Variants in EPB41L3 observed in about 807,000 individuals in gnomAD.
The protein encoded by EPB41L3 is erythrocyte membrane protein band 4.1 like 3, also known as band 4.1-like protein 3.
A neutral mutation model predicts 127.1 loss-of-function variants in EPB41L3; 57 were observed. That is an observed-to-expected ratio of 0.45 (90% CI 0.36 to 0.56). EPB41L3 has a LOEUF of 0.56. Ranked by LOEUF, EPB41L3 falls within the 20% of genes least tolerant of loss-of-function variation. The pLI, the probability that EPB41L3 is intolerant of heterozygous loss-of-function variation, is 0.00. For missense variants in EPB41L3, 1,273 were observed against 1,372.2 expected, an observed-to-expected ratio of 0.93 and a Z score of 1.14; for synonymous variants, 572 against 549.5, an observed-to-expected ratio of 1.04 and a Z score of -0.57.
At chr18:5,476,915 C>A (rs2087349474) in intron 3 of EPB41L3, among the ~76,000 whole-genome samples, 1 of 152,154 alleles carries the variant, frequency 6.6e-6, no homozygotes, top group Non-Finnish European at 1.5e-5. Flanking sequence ...GGGATTCCTG[C>A]AGCAGCCCAT....
chr18:5,427,839 G>A (rs1453438289), intron 9 of EPB41L3, among the ~76,000 whole-genome samples: 1 of 151,902 alleles, frequency 6.6e-6, no homozygotes, highest in Non-Finnish European at 1.5e-5. Flanking sequence ...TCCGCCCCCT[G>A]GGTTCACGCC....
chr18:5,496,987 A>C (rs1209069788), intron 1 of EPB41L3, among the ~76,000 whole-genome samples: 1 of 152,184 alleles, frequency 6.6e-6, no homozygotes, highest in Non-Finnish European at 1.5e-5. Flanking sequence ...GCTGCTCTAG[A>C]CTGGATGGTT....
intron 13 of EPB41L3, among the ~76,000 whole-genome samples, chr18:5,413,298 T>C (rs530112916): frequency 7.9e-5 from 12 of 152,304 alleles, no homozygotes; most frequent in African/African-American, 2.4e-4. Flanking sequence ...TGTTTCTTGA[T>C]AGGATATTTT....
At chr18:5,625,978 A>G (rs1479020077) in intron 1 of EPB41L3, among the ~76,000 whole-genome samples, 1 of 149,332 alleles carries the variant, frequency 6.7e-6, no homozygotes, top group Middle Eastern at 3.2e-3. Context: ...TCTTTTCTCC[A>G]TTCTGATCTT....
chr18:5,594,154 G>A (rs1386742687), intron 3 of EPB41L3, among the ~76,000 whole-genome samples: 1 of 152,188 alleles, frequency 6.6e-6, no homozygotes, highest in East Asian at 1.9e-4. Flanking sequence ...CACAATTTAT[G>A]TTTACAGACT....
intron 6 of EPB41L3, among the ~76,000 whole-genome samples, chr18:5,435,401 T>C (rs2079621281): frequency 6.6e-6 from 1 of 152,218 alleles, no homozygotes; most frequent in Non-Finnish European, 1.5e-5. Flanking sequence ...TCATGGTAAG[T>C]GGCCTACACA....
intron 3 of EPB41L3, among the ~76,000 whole-genome samples, chr18:5,551,319 A>T (rs889891608): frequency 6.6e-6 from 1 of 152,182 alleles, no homozygotes; most frequent in Admixed American, 6.5e-5. Context: ...TCTTGATGTG[A>T]TATCAATATT....
At chr18:5,583,868 G>A (rs1859480211) in intron 3 of EPB41L3, among the ~76,000 whole-genome samples, 1 of 152,190 alleles carries the variant, frequency 6.6e-6, no homozygotes, top group African/African-American at 2.4e-5. Flanking sequence ...GAGTGCAACG[G>A]CATGATCTCG....
chr18:5,438,196 A>T, intron 5 of EPB41L3, 86 bp from the exon 6 acceptor site: 1 of 1,233,374 alleles, frequency 8.1e-7, no homozygotes, highest in South Asian at 1.4e-5. Flanking sequence ...AACTCCAAGC[A>T]TTAACACCCA....
At chr18:5,509,979 A>G (rs2092430727) in intron 1 of EPB41L3, among the ~76,000 whole-genome samples, 1 of 152,188 alleles carries the variant, frequency 6.6e-6, no homozygotes, top group South Asian at 2.1e-4. Flanking sequence ...CACTCACCCC[A>G]TATTACAGAT....
intron 1 of EPB41L3, among the ~76,000 whole-genome samples, chr18:5,491,048 G>T (rs891528759): frequency 6.6e-6 from 1 of 152,208 alleles, no homozygotes; most frequent in Non-Finnish European, 1.5e-5. Flanking sequence ...GATCTAGCAG[G>T]TGCCTCTGCA....
intron 7 of EPB41L3, 66 bp from the exon 8 acceptor site, chr18:5,433,622 A>C (rs537840573): frequency 2.2e-6 from 3 of 1,382,456 alleles, no homozygotes; most frequent in Non-Finnish European, 3.0e-6. Flanking sequence ...AATATTTCCC[A>C]CTTAGTTCCA....
At chr18:5,441,545 A>C (rs2080752904) in intron 5 of EPB41L3, among the ~76,000 whole-genome samples, 1 of 150,576 alleles carries the variant, frequency 6.6e-6, no homozygotes, top group Non-Finnish European at 1.5e-5. Context: ...GACTCACTGC[A>C]AGCTCCGCCT....
At chr18:5,510,809 A>C (rs917255585) in intron 1 of EPB41L3, among the ~76,000 whole-genome samples, 26 of 152,148 alleles carry the variant, frequency 1.7e-4, no homozygotes, top group Non-Finnish European at 3.8e-4. Context: ...GTTTTATTTT[A>C]AAGTATACCC....
intron 8 of EPB41L3, among the ~76,000 whole-genome samples, chr18:5,428,889 TAC>T (rs1267325044): frequency 6.6e-6 from 1 of 152,182 alleles, no homozygotes; most frequent in Non-Finnish European, 1.5e-5. Context: ...AGAAAATAGG[TAC>T]AGAGTTCCAG....
At chr18:5,395,749 A>AAG (rs746457311) in intron 19 of EPB41L3, 42 bp from the exon 20 acceptor site, 1 of 1,502,256 alleles carries the variant, frequency 6.7e-7, no homozygotes, top group Non-Finnish European at 9.2e-7. Context: ...AGGTGCTCAC[A>AAG]TCTGCTCTTC....
intron 3 of EPB41L3, among the ~76,000 whole-genome samples, chr18:5,453,563 A>G (rs8087912): frequency 0.74 from 112,554 of 152,122 alleles, 41,760 homozygotes; most frequent in East Asian, 0.83. Flanking sequence ...GGAGAGCTAC[A>G]ATATTGAAAA....
At chr18:5,560,613 G>A (rs780608273) in intron 3 of EPB41L3, among the ~76,000 whole-genome samples, 1 of 152,188 alleles carries the variant, frequency 6.6e-6, no homozygotes, top group Non-Finnish European at 1.5e-5. Context: ...GATGCCTGCT[G>A]CACCATTTGC....
At chr18:5,510,291 C>T (rs2092445854) in intron 1 of EPB41L3, among the ~76,000 whole-genome samples, 1 of 152,192 alleles carries the variant, frequency 6.6e-6, no homozygotes, top group South Asian at 2.1e-4. Context: ...TCCCAACTTT[C>T]TTCCCTAAGG....
Sources: allele counts gnomAD v4.1 joint callset (sites outside exome capture counted in the v4.1 genomes callset), GRCh38; gene constraint gnomAD v4.1.1; transcripts MANE v1.5; gene names NCBI Gene and HGNC (gene_info 2026-07-23, HGNC 2026-07-21).